SYNPO2: variants seen among roughly 807,000 people sequenced by gnomAD.
SYNPO2 encodes the protein synaptopodin 2, also known as synaptopodin-2.
SYNPO2 carries 56 observed loss-of-function variants against 85.0 expected under a neutral mutation model. The ratio of observed to expected loss-of-function variants is 0.66; its 90% CI spans 0.53 to 0.82. The LOEUF (loss-of-function observed/expected upper bound fraction) is 0.82. SYNPO2 is among the 40% of genes least tolerant of loss of function. SYNPO2 has a pLI of 0.00. For missense variants in SYNPO2, 1,575 were observed against 1,534.2 expected (o/e 1.03, Z -0.44); for synonymous variants, 602 against 591.1 (o/e 1.02, Z -0.27).
chr4:118,908,989 A>G (rs1733042858), intron 1 of SYNPO2, among the ~76,000 whole-genome samples: 2 of 152,302 alleles, frequency 1.3e-5, no homozygotes, highest in Middle Eastern at 3.4e-3. Flanking sequence ...ACATAAAGGC[A>G]TAGAGGAATG....
chr4:118,886,768 C>T (rs1026691621), upstream of SYNPO2, among the ~76,000 whole-genome samples: 7 of 152,272 alleles, frequency 4.6e-5, no homozygotes, highest in South Asian at 8.3e-4. Context: ...AAAGTCAATT[C>T]GTGTTTCTGA....
rs6831886 is a variant in SYNPO2, at chr4:118,984,271, A to G, written c.106-39159A>G. ...CAGATGTAAGAGAGAGAAAATTTAC[A>G]TTATGTACCATCTTGTTCCTTTAAA... is the stretch of plus-strand genomic sequence containing the variant. On this transcript the variant is annotated intron_variant, in intron 1 of 4. Coordinates refer to ENST00000307142, the MANE Select transcript of SYNPO2 (RefSeq NM_133477.3). Among the ~76,000 whole-genome samples, 904 of 152,308 alleles carry G rather than the reference A, an allele frequency of 5.9e-3. 13 individuals are homozygous for G. The highest frequency in any genetic ancestry group is 4.9e-3 in the Non-Finnish European group (334 of 68,028).
chr4:119,051,186 A>ATGTGTTT (rs376359189), intron 4 of SYNPO2, among the ~76,000 whole-genome samples: 3 of 100,720 alleles, frequency 3.0e-5, no homozygotes, highest in African/African-American at 1.2e-4. Flanking sequence ...ATGGGAAGCA[A>ATGTGTTT]TTTTTTTTTT....
At chr4:118,940,661 G>GC (rs1734276969) in intron 1 of SYNPO2, among the ~76,000 whole-genome samples, 1 of 152,166 alleles carries the variant, frequency 6.6e-6, no homozygotes. Context: ...CCCTACCTGG[G>GC]AGTAGTCAGG....
rs566248724 is a variant in SYNPO2 at position 119,033,113 on chromosome 4, A to G, written c.3252+1086A>G. ...CTATTGTTTCACCTGGAGAAACCAC[A>G]TGATTGGGACCTGAAGGTTTACTGA... On this transcript the variant is annotated intron_variant, in intron 4 of 4. Coordinates refer to ENST00000307142, the MANE Select transcript of SYNPO2 (RefSeq NM_133477.3). The G allele has an allele frequency of 7.1e-6, 7 of 985,416 alleles. No homozygotes were observed. The Admixed American group carries it at 2.5e-4, about 35-fold the overall frequency. 61.0% of individuals were successfully genotyped at this position (985,416 alleles called of 1,614,324 possible). A position where few individuals can be genotyped will look rare whatever the true frequency, so the allele number is the denominator to read the frequency against.
intron 1 of SYNPO2, among the ~76,000 whole-genome samples, chr4:118,941,312 A>G (rs1734306863): frequency 6.6e-6 from 1 of 152,066 alleles, no homozygotes; most frequent in South Asian, 2.1e-4. Flanking sequence ...ATTCCCAGTC[A>G]CCAACTGCAT....
intron 1 of SYNPO2, among the ~76,000 whole-genome samples, chr4:118,920,460 G>A (rs1463033316): frequency 6.6e-6 from 1 of 152,106 alleles, no homozygotes; most frequent in East Asian, 1.9e-4. Context: ...TGATTCGACT[G>A]TGCACGTATT....
rs569726040 is a variant in SYNPO2, at chr4:118,901,088, T to C, written c.105+11947T>C. Among the ~76,000 whole-genome samples the C allele has an allele frequency of 4.6e-5, 7 of 152,292 alleles. No homozygotes were observed. The East Asian group carries it at 5.8e-4, about 13-fold the overall frequency. Reference sequence around the variant, plus strand: ...TATTATTTATACTAATTTTCTGATATATTTTTCTTTGCATCTTCAACAGTA... The same window carrying C: ...TATTATTTATACTAATTTTCTGATACATTTTTCTTTGCATCTTCAACAGTA... On this transcript the variant is annotated intron_variant, in intron 1 of 4. Coordinates refer to ENST00000307142, the MANE Select transcript of SYNPO2 (RefSeq NM_133477.3).
intron 1 of SYNPO2, among the ~76,000 whole-genome samples, chr4:118,878,840 C>T (rs1731979161): frequency 6.6e-6 from 1 of 152,172 alleles, no homozygotes; most frequent in African/African-American, 2.4e-5. Context: ...AGCTGGCCAC[C>T]CCAGCCAGCA....
At chr4:119,018,648 C>T (rs866851902) in intron 1 of SYNPO2, among the ~76,000 whole-genome samples, 23 of 152,082 alleles carry the variant, frequency 1.5e-4, no homozygotes, top group Middle Eastern at 3.4e-3. Context: ...ATGATGGTTA[C>T]CAGAGACTGG....
intron 4 of SYNPO2, among the ~76,000 whole-genome samples, chr4:119,050,963 C>G (rs1739019273): frequency 6.6e-6 from 1 of 152,142 alleles, no homozygotes; most frequent in South Asian, 2.1e-4. Flanking sequence ...CTGCATTAGC[C>G]TTGCCCAACA....
intron 1 of SYNPO2, among the ~76,000 whole-genome samples, chr4:119,019,427 T>C (rs1382558138): frequency 6.6e-6 from 1 of 152,200 alleles, no homozygotes; most frequent in African/African-American, 2.4e-5. Flanking sequence ...AGGAATTACA[T>C]GATGTGCTCA....
At chr4:118,907,768 A>G (rs1211758470) in intron 1 of SYNPO2, among the ~76,000 whole-genome samples, 1 of 152,210 alleles carries the variant, frequency 6.6e-6, no homozygotes, top group Non-Finnish European at 1.5e-5. Flanking sequence ...GATAAAAATA[A>G]AGGAAAAACT....
At chr4:118,855,390 A>T (rs1419981297) in intron 1 of SYNPO2, among the ~76,000 whole-genome samples, 2 of 152,166 alleles carry the variant, frequency 1.3e-5, no homozygotes, top group Non-Finnish European at 2.9e-5. Context: ...GGAGGCAAAA[A>T]GACAGTAATT....
At chr4:119,011,881 G>T (rs1737314986) in intron 1 of SYNPO2, among the ~76,000 whole-genome samples, 1 of 150,532 alleles carries the variant, frequency 6.6e-6, no homozygotes, top group South Asian at 2.1e-4. Context: ...TAGTAGCTTG[G>T]CAAAGATTTT....
intron 1 of SYNPO2, among the ~76,000 whole-genome samples, chr4:118,900,689 CTCTCTCTCTCTCTCTA>C (rs1181832796): frequency 0.012 from 638 of 52,964 alleles, 2 homozygotes; most frequent in Non-Finnish European, 0.017. Context: ...CTCTCTCTCT[CTCTCTCTCTCTCTCTA>C]TATATATATA....
At chr4:118,936,861 G>C (rs544294101) in intron 1 of SYNPO2, among the ~76,000 whole-genome samples, 1 of 152,226 alleles carries the variant, frequency 6.6e-6, no homozygotes, top group Non-Finnish European at 1.5e-5. Context: ...GTTGAGCAGT[G>C]GTTTAAGGAA....
chr4:118,992,457 G>C (rs1736450382), intron 1 of SYNPO2, among the ~76,000 whole-genome samples: 1 of 152,128 alleles, frequency 6.6e-6, no homozygotes, highest in Non-Finnish European at 1.5e-5. Flanking sequence ...CACATTCCAG[G>C]AGCCATCACA....
At chr4:119,043,655 C>T (rs4833603) in intron 4 of SYNPO2, 118,249 of 152,098 alleles carry the variant, frequency 0.78, 45,991 homozygotes, top group Admixed American at 0.82. Context: ...AAAGCTATGC[C>T]GGCCAGGCGC....
Sources: gnomAD v4.1 joint callset for allele counts (sites outside exome capture counted in the v4.1 genomes callset) on GRCh38, gnomAD v4.1.1 for gene constraint, MANE v1.5 for transcripts, NCBI Gene and HGNC (gene_info 2026-07-23, HGNC 2026-07-21) for gene names.